The following TRIM37 variants were observed in gnomAD, a reference collection of about 807,000 sequenced individuals.
TRIM37 encodes tripartite motif containing 37, also known as E3 ubiquitin-protein ligase TRIM37.
TRIM37 carries 80 observed loss-of-function variants against 129.8 expected under a neutral mutation model. The ratio of observed to expected loss-of-function variants is 0.62; its 90% confidence interval spans 0.51 to 0.74. TRIM37 has a LOEUF of 0.74. TRIM37 is among the 30% of genes least tolerant of loss of function. The pLI is 0.00. For synonymous variants in TRIM37, 389 were observed against 387.1 expected, an observed-to-expected ratio of 1.00 and a Z score of -0.06; for missense variants, 1,054 against 1,176.5, an observed-to-expected ratio of 0.90 and a Z score of 1.52.
intron 4 of TRIM37, 74 bp from the exon 5 acceptor site, chr17:59,084,163 G>C: frequency 1.8e-6 from 2 of 1,125,510 alleles, no homozygotes; most frequent in East Asian, 2.5e-5. Flanking sequence ...TCTTAAGCTT[G>C]GGCAAACAGG....
At chr17:59,006,185 A>G (rs2034459086) in intron 22 of TRIM37, among the ~76,000 whole-genome samples, 1 of 152,256 alleles carries the variant, frequency 6.6e-6, no homozygotes, top group South Asian at 2.1e-4. Flanking sequence ...TTTATCAAGC[A>G]CTAAGATCTG....
At chr17:59,068,203 G>A (rs1053175212) in intron 9 of TRIM37, among the ~76,000 whole-genome samples, 5 of 152,182 alleles carry the variant, frequency 3.3e-5, no homozygotes, top group African/African-American at 9.7e-5. Context: ...ACAGACTAGC[G>A]AGCATTGTTG....
chr17:59,062,606 A>C lies in TRIM37; in HGVS notation c.903T>G (p.Leu301=). 1 of 1,614,126 alleles carries C rather than the reference A, an allele frequency of 6.2e-7. No individual in the cohort carries two copies. The highest frequency in any genetic ancestry group is 2.2e-5 in the East Asian group (1 of 44,862). ...ACCTCCAGCAAAGTCCTGAAACTTG[A>C]AGAGGTGGACTGTAAACAGGATCTG... ...QRADPVYSPP[L]QVSGLCWRLK... is the part of the protein sequence containing the mutation. Residue 301 remains leucine, a synonymous_variant, in exon 11 of 24, where the codon CTT becomes CTG. Transcript: ENST00000262294.
At chr17:59,089,173 G>A (rs2147235861) in intron 3 of TRIM37, among the ~76,000 whole-genome samples, 1 of 152,260 alleles carries the variant, frequency 6.6e-6, no homozygotes, top group South Asian at 2.1e-4. Context: ...AGGACCACAT[G>A]AGCCAGGGAG....
intron 9 of TRIM37, among the ~76,000 whole-genome samples, chr17:59,064,817 A>G (rs1363991682): frequency 6.6e-6 from 1 of 152,176 alleles, no homozygotes; most frequent in African/African-American, 2.4e-5. Flanking sequence ...AGGCTGAGGC[A>G]CGAGAATCAC....
chr17:59,041,052 CAAA>C (rs959941717), intron 17 of TRIM37, among the ~76,000 whole-genome samples: 2 of 118,742 alleles, frequency 1.7e-5, no homozygotes, highest in African/African-American at 3.1e-5. Flanking sequence ...GACTCCGTCT[CAAA>C]AAAAAAAAAA....
At chr17:59,033,650 G>A (rs2038134142) in intron 17 of TRIM37, among the ~76,000 whole-genome samples, 1 of 151,990 alleles carries the variant, frequency 6.6e-6, no homozygotes, top group Non-Finnish European at 1.5e-5. Context: ...TCCTAACCTA[G>A]TGATCCGCCC....
chr17:58,989,789 G>A (rs2032176487), intron 24 of TRIM37, among the ~76,000 whole-genome samples: 1 of 152,158 alleles, frequency 6.6e-6, no homozygotes, highest in Admixed American at 6.5e-5. Flanking sequence ...CCTAGAAGGA[G>A]AAGAGAAAGA....
chr17:59,055,275 G>T (rs1245149770), intron 13 of TRIM37, among the ~76,000 whole-genome samples: 2 of 138,252 alleles, frequency 1.4e-5, no homozygotes, highest in African/African-American at 2.8e-5. Flanking sequence ...GGCAAAGGTT[G>T]CAGGGAGCCA....
rs570821880 is a variant in TRIM37 at position 59,017,403 on chromosome 17, G to A, written c.2279C>T (p.Ser760Leu). 1.4e-5 allele frequency: 23 copies of A among 1,613,982 alleles called. No individual in the cohort carries two copies. The South Asian group carries it at 1.9e-4, about 13-fold the overall frequency. ...TACACTGGATCGAGCTGGCTTGGGC[G>A]AATTACTCTTCTTATTTGTGGCTGC... The part of the protein sequence containing the change: ...IRNSTNKKSN[S>L]PKPARSSVAG... The change falls in exon 20 of 24, where the codon TCG becomes TTG. Residue 760 changes from serine to leucine, a missense_variant. By Grantham distance (145) the Ser-to-Leu change is moderately radical. Transcript: ENST00000262294.
chr17:59,036,447 G>GTGTGTGT (rs2038497208), intron 17 of TRIM37, among the ~76,000 whole-genome samples: 18 of 140,676 alleles, frequency 1.3e-4, no homozygotes, highest in African/African-American at 4.7e-4. Context: ...ATTTGCTGGG[G>GTGTGTGT]GTGTGTGTGT....
At chr17:58,986,089 T>C (rs1044937681) in intron 24 of TRIM37, among the ~76,000 whole-genome samples, 4 of 152,140 alleles carry the variant, frequency 2.6e-5, no homozygotes, top group Non-Finnish European at 4.4e-5. Context: ...TTGAACATCA[T>C]AGAAATTTAC....
intron 19 of TRIM37, among the ~76,000 whole-genome samples, chr17:59,024,602 A>G (rs2037023813): frequency 6.6e-6 from 1 of 152,186 alleles, no homozygotes; most frequent in African/African-American, 2.4e-5. Context: ...ATCACGGCTC[A>G]CTGCACCTCA....
In TRIM37 at chr17:59,028,522, T is replaced by G; in HGVS notation, c.2150A>C (p.Asp717Ala). Residue 717 changes from aspartate to alanine, a missense_variant, in exon 19 of 24, where the codon GAC becomes GCC. Coordinates refer to ENST00000262294, the MANE Select transcript of TRIM37 (RefSeq NM_015294.6). ...GDMQTSLFSA[D>A]QAALAACGTE... ...TCCACATGCAGCCAGAGCTGCCTGG[T>G]CAGCAGAAAAAAGGCTTGTCTGCAT... 6.2e-7 allele frequency: 1 copy of G among 1,614,228 alleles called. No individual in the cohort carries two copies. The highest frequency in any genetic ancestry group is 2.2e-5 in the East Asian group (1 of 44,886).
At chr17:59,036,630 T>A (rs962590010) in intron 17 of TRIM37, among the ~76,000 whole-genome samples, 3 of 152,010 alleles carry the variant, frequency 2.0e-5, no homozygotes, top group Non-Finnish European at 4.4e-5. Flanking sequence ...CTACAGCCAG[T>A]TGAGTCAATA....
chr17:58,972,209 C>T, the TRIM37 span: 23 of 1,613,898 alleles, frequency 1.4e-5, no homozygotes, highest in East Asian at 4.9e-4. Context: ...TGGGTGATTC[C>T]CAGGTTATGC....
At chr17:59,046,829 C>T (rs1363499619) in intron 16 of TRIM37, among the ~76,000 whole-genome samples, 3 of 150,906 alleles carry the variant, frequency 2.0e-5, no homozygotes, top group Admixed American at 1.3e-4. Context: ...CGTGAGCCAC[C>T]GTGCCCAGCC....
rs1568030748 is a variant in TRIM37 at position 59,032,550 on chromosome 17, A to AAAAAAG, written c.1754-461_1754-460insCTTTTT. ...CCGTCTCAAAAAAAAAAAAAAAAAA[A>AAAAAAG]AAAGAAAGAAGGAACCAGACAGTTG... On this transcript the variant is annotated intron_variant, in intron 17 of 23. Coordinates refer to ENST00000262294, the MANE Select transcript of TRIM37 (RefSeq NM_015294.6). Among the ~76,000 whole-genome samples the AAAAAAG allele has an allele frequency of 6.6e-5, 10 of 150,512 alleles. No homozygotes were observed. In the East Asian group the frequency reaches 2.0e-3, roughly 29 times the overall value.
At chr17:59,088,100 A>T (rs2043939629) in intron 4 of TRIM37, 191 bp downstream of exon 4, 3 of 616,772 alleles carry the variant, frequency 4.9e-6, no homozygotes, top group Non-Finnish European at 5.7e-6. Context: ...ATGGCATGAA[A>T]TAACTGTTGT....
Sources: allele counts gnomAD v4.1 joint callset (sites outside exome capture counted in the v4.1 genomes callset), GRCh38; gene constraint gnomAD v4.1.1; transcripts MANE v1.5; gene names NCBI Gene and HGNC (gene_info 2026-07-23, HGNC 2026-07-21).